The following PTPRD variants were observed in gnomAD, a reference collection of about 807,000 sequenced individuals.
The protein encoded by PTPRD is protein tyrosine phosphatase receptor type D.
In PTPRD, 34 loss-of-function variants were observed where a neutral mutation model predicts 214.5. The observed-to-expected ratio is 0.16, with a 90% confidence interval of 0.12 to 0.21. The LOEUF (loss-of-function observed/expected upper bound fraction) is 0.21, where lower values mean the gene tolerates loss of function less well. Among genes scored for constraint, PTPRD ranks in the 10% least tolerant of loss-of-function variants. The pLI, the probability that PTPRD is intolerant of heterozygous loss-of-function variation, is 1.00. For missense variants in PTPRD, 2,545 were observed against 2,398.7 expected, an observed-to-expected ratio of 1.06 and a Z score of -1.27; for synonymous variants, 1,128 against 845.7, an observed-to-expected ratio of 1.33 and a Z score of -5.79.
At position 8,340,449 on chromosome 9, in the gene PTPRD, G is replaced by C. The variant is rs755466891; in HGVS notation, c.5147C>G (p.Ala1716Gly). The C allele has an allele frequency of 4.4e-6, 7 of 1,598,778 alleles. No homozygotes were observed. Among genetic ancestry groups the C allele is most frequent in the Non-Finnish European group, 6.0e-6 (7 of 1,169,096 alleles). ...DGYRQQKAYI[A>G]TQGPLAETTE... The stretch of plus-strand genomic sequence containing the variant: ...GGTCTCTGCCAAGGGCCCCTGGGTA[G>C]CGATGTAGGCTTTCTGTTGTCTGAA... The change falls in exon 42 of 46, where the codon GCT (alanine) becomes GGT (glycine). Residue 1716 changes from alanine to glycine, a missense_variant. Coordinates refer to ENST00000381196, the MANE Select transcript of PTPRD (RefSeq NM_002839.4).
intron 11 of PTPRD, among the ~76,000 whole-genome samples, chr9:8,926,370 T>C (rs904359317): frequency 6.6e-6 from 1 of 152,098 alleles, no homozygotes; most frequent in African/African-American, 2.4e-5. Flanking sequence ...TAAAATATAA[T>C]AATATTTATT....
At chr9:10,535,232 G>C (rs1309051868) in intron 2 of PTPRD, among the ~76,000 whole-genome samples, 1 of 152,098 alleles carries the variant, frequency 6.6e-6, no homozygotes. Flanking sequence ...TTGAATACTG[G>C]ATTTCAGTCA....
intron 3 of PTPRD, among the ~76,000 whole-genome samples, chr9:10,134,671 C>A (rs10958909): frequency 0.12 from 18,900 of 151,940 alleles, 1,312 homozygotes; most frequent in South Asian, 0.26. Flanking sequence ...TCAACTTACA[C>A]CACAGTCAAA....
At chr9:8,848,506 T>A (rs1391373124) in intron 11 of PTPRD, among the ~76,000 whole-genome samples, 14 of 8,892 alleles carry the variant, frequency 1.6e-3, no homozygotes, top group African/African-American at 0.014. Flanking sequence ...TGGCAAATAT[T>A]TTTTTTTTTT....
chr9:9,712,433 A>G (rs2097754853), intron 7 of PTPRD, among the ~76,000 whole-genome samples: 1 of 152,152 alleles, frequency 6.6e-6, no homozygotes, highest in Admixed American at 6.6e-5. Context: ...CCAGTTCATT[A>G]ATATTTTTAA....
chr9:8,591,755 T>A (rs901809129), intron 14 of PTPRD, among the ~76,000 whole-genome samples: 1 of 152,188 alleles, frequency 6.6e-6, no homozygotes, highest in Admixed American at 6.6e-5. Context: ...CAATCTCACT[T>A]ATATATCACA....
intron 9 of PTPRD, among the ~76,000 whole-genome samples, chr9:9,219,836 A>G (rs554431091): frequency 3.3e-5 from 5 of 152,182 alleles, no homozygotes; most frequent in East Asian, 1.9e-4. Context: ...CAGTTTTGCA[A>G]TTCTCTGCAG....
chr9:9,943,975 C>G (rs1374627341), intron 4 of PTPRD, among the ~76,000 whole-genome samples: 1 of 152,112 alleles, frequency 6.6e-6, no homozygotes, highest in Non-Finnish European at 1.5e-5. Context: ...CTCCATTTTA[C>G]TTTTTCTTGA....
At chr9:10,545,768 T>C (rs1018361138) in intron 2 of PTPRD, among the ~76,000 whole-genome samples, 3 of 152,182 alleles carry the variant, frequency 2.0e-5, no homozygotes, top group Non-Finnish European at 4.4e-5. Context: ...AAGTTCTTTC[T>C]TATTGCTAGA....
At chr9:9,782,817 G>C (rs1048174196) in intron 5 of PTPRD, among the ~76,000 whole-genome samples, 10 of 152,088 alleles carry the variant, frequency 6.6e-5, no homozygotes, top group African/African-American at 2.4e-4. Flanking sequence ...GAATACTCAG[G>C]AAACCCACAA....
intron 9 of PTPRD, among the ~76,000 whole-genome samples, chr9:9,378,815 G>C (rs10435823): frequency 6.6e-6 from 1 of 151,680 alleles, no homozygotes; most frequent in Non-Finnish European, 1.5e-5. Flanking sequence ...TATCTTCTTT[G>C]CTGATGTATC....
intron 9 of PTPRD, among the ~76,000 whole-genome samples, chr9:9,221,191 G>C: frequency 6.6e-6 from 1 of 152,036 alleles, no homozygotes; most frequent in East Asian, 1.9e-4. Context: ...TAGTAACTAA[G>C]GAAAATTAAA....
intron 3 of PTPRD, among the ~76,000 whole-genome samples, chr9:10,042,470 G>T (rs906190956): frequency 6.6e-6 from 1 of 151,914 alleles, no homozygotes; most frequent in Non-Finnish European, 1.5e-5. Context: ...AATTCTGCTA[G>T]CCCTGCTCTA....
intron 12 of PTPRD, among the ~76,000 whole-genome samples, chr9:8,646,442 G>T (rs1241004191): frequency 6.6e-6 from 1 of 152,112 alleles, no homozygotes; most frequent in Non-Finnish European, 1.5e-5. Context: ...TTTCAGAGCT[G>T]CTGTCAATCT....
chr9:8,668,138 G>T (rs748628213), intron 12 of PTPRD, among the ~76,000 whole-genome samples: 2 of 152,030 alleles, frequency 1.3e-5, no homozygotes, highest in African/African-American at 4.8e-5. Flanking sequence ...AATTCCAGTG[G>T]TAACTGACTC....
rs556257137 is a variant in PTPRD, at chr9:9,807,181, T to C, written c.-367-40330A>G. Among the ~76,000 whole-genome samples the C allele has an allele frequency of 3.9e-5, 6 of 152,236 alleles. No individual in the cohort carries two copies. The East Asian group carries it at 7.7e-4, about 20-fold the overall frequency. ...ATGCCCCTCAGCAGAATTATTTCCA[T>C]TGAGGAGGCAAGAATTGAGTTGCTA... On this transcript the variant is annotated intron_variant, in intron 5 of 45. Transcript: ENST00000381196.
intron 39 of PTPRD, among the ~76,000 whole-genome samples, chr9:8,347,764 C>G (rs1471770549): frequency 3.3e-5 from 5 of 152,126 alleles, no homozygotes; most frequent in Non-Finnish European, 5.9e-5. Flanking sequence ...CACCAGAGAT[C>G]TTTTTCTCTA....
intron 8 of PTPRD, among the ~76,000 whole-genome samples, chr9:9,476,617 T>C (rs546089290): frequency 3.3e-5 from 5 of 152,338 alleles, no homozygotes; most frequent in African/African-American, 9.6e-5. Flanking sequence ...ATATAACTTA[T>C]GTTTATAAAT....
chr9:9,067,538 G>T (rs1287096693), intron 10 of PTPRD, among the ~76,000 whole-genome samples: 3 of 152,074 alleles, frequency 2.0e-5, no homozygotes, highest in African/African-American at 4.8e-5. Context: ...TTCTTGGCAG[G>T]TACTTATCTT....
Sources: allele counts gnomAD v4.1 joint callset (sites outside exome capture counted in the v4.1 genomes callset), GRCh38; gene constraint gnomAD v4.1.1; transcripts MANE v1.5; gene names NCBI Gene and HGNC (gene_info 2026-07-23, HGNC 2026-07-21).